The following NHLRC1 variants were observed in gnomAD, a reference collection of about 807,000 sequenced individuals.
The protein encoded by NHLRC1 is NHL repeat containing E3 ubiquitin protein ligase 1, also known as E3 ubiquitin-protein ligase NHLRC1.
A neutral mutation model predicts 14.6 loss-of-function variants in NHLRC1; 10 were observed. The ratio of observed to expected loss-of-function variants is 0.69; its 90% confidence interval spans 0.42 to 1.17. NHLRC1 has a LOEUF of 1.17. Ranked by LOEUF, NHLRC1 falls within the 50% of genes most tolerant of loss-of-function variation. NHLRC1 has a pLI of 0.00. For missense variants in NHLRC1, 526 were observed against 522.9 expected (o/e 1.01, Z -0.06); for synonymous variants, 231 against 224.0 (o/e 1.03, Z -0.28).
chr6:18,121,460 CTG>C lies in NHLRC1; in HGVS notation c.1145_1146del (p.Thr382SerfsTer9). 2 of 1,614,136 alleles carry C rather than the reference CTG, an allele frequency of 1.2e-6. No individual in the cohort carries two copies. ...TKENSLLVLD[T>X]ASHSIKVYKV... ...TTATAGACTTTTATAGAATGAGATG[CTG>C]TGTCCAGCACAAGAAGAGAATTCTC... is the stretch of plus-strand genomic sequence containing the variant. On this transcript the variant is annotated frameshift_variant, in exon 1 of 1. Coordinates refer to ENST00000340650, the MANE Select transcript of NHLRC1 (RefSeq NM_198586.3). LOFTEE classifies it high-confidence loss of function. This position sits in a 1 kb window ranked among gnomAD's most constrained non-coding sequence, Gnocchi z 4.7.
rs752220824 is a variant in NHLRC1 at position 18,121,694 on chromosome 6, C to T, written c.913G>A (p.Gly305Ser). ...CTCAGCCCAAAGGTATCCACTTGGC[C>T]GACAAGCTGCATACTTGAGCTAAAC... is the stretch of plus-strand genomic sequence containing the variant. ...KVFSSSMQLV[G>S]QVDTFGLSLY... The change falls in exon 1 of 1, where the codon GGC becomes AGC. Residue 305 changes from glycine (G) to serine (S), a missense_variant. Physicochemically the swap from Gly to Ser is moderately conservative, Grantham distance 56 (BLOSUM62 0). Coordinates refer to ENST00000340650, the MANE Select transcript of NHLRC1 (RefSeq NM_198586.3). This position sits in a 1 kb window ranked among gnomAD's most constrained non-coding sequence, Gnocchi z 4.7. The T allele has an allele frequency of 4.3e-6, 7 of 1,613,956 alleles. No homozygotes were observed. Among genetic ancestry groups the T allele is most frequent in the Non-Finnish European group, 5.9e-6 (7 of 1,180,028 alleles).
chr6:18,122,366 T>G lies in NHLRC1; in HGVS notation c.241A>C (p.Ser81Arg). 1 of 1,573,732 alleles carries G rather than the reference T, an allele frequency of 6.4e-7. No individual in the cohort carries two copies. The highest frequency in any genetic ancestry group is 1.1e-5 in the South Asian group (1 of 89,178). ...CRRACRGCDT[S>R]DCLPVLHLIE... ...AGGTGCAGCACCGGCAGGCAGTCGC[T>G]GGTGTCGCAGCCCCGGCAAGCTCGC... Residue 81 changes from serine (S) to arginine (R), a missense_variant, in exon 1 of 1, where the codon AGC (serine) becomes CGC (arginine). By Grantham distance (110) the Ser-to-Arg change is moderately radical (BLOSUM62 -1). Transcript: ENST00000340650.
In NHLRC1 at chr6:18,122,500, C is replaced by T. The variant is rs764691077; in HGVS notation, c.107G>A (p.Arg36Gln). The change falls in exon 1 of 1, where the codon CGG becomes CAG. Residue 36 changes from arginine to glutamine, a missense_variant. Transcript: ENST00000340650. ...CAGGTTGCGCGGGCGCCGCTGCTGC[C>T]GGTGGCCAAACTTCTCAAAGCACAC... ...CKVCFEKFGH[R>Q]QQRRPRNLSC... 33 of 1,597,278 alleles carry T rather than the reference C, an allele frequency of 2.1e-5. No homozygotes were observed. Among genetic ancestry groups the T allele is most frequent in the South Asian group, 4.4e-5 (4 of 91,072 alleles).
Position 18,122,329 on chromosome 6 carries a change from A to G in NHLRC1, c.278T>C (p.Leu93Pro). The change falls in exon 1 of 1, where the codon CTG becomes CCG. Residue 93 changes from leucine (L) to proline (P), a missense_variant. By Grantham distance (98) the Leu-to-Pro change is moderately conservative. Coordinates refer to ENST00000340650, the MANE Select transcript of NHLRC1 (RefSeq NM_198586.3). Reference protein sequence around the residue: ...CLPVLHLIELLGSALRQSPAA... With the variant: ...CLPVLHLIELPGSALRQSPAA... ...CGGGGACTGGCGAAGCGCTGAGCCCAGGAGCTCTATGAGGTGCAGCACCGG... is the reference window on the plus strand; with the variant it reads ...CGGGGACTGGCGAAGCGCTGAGCCCGGGAGCTCTATGAGGTGCAGCACCGG... 2 of 1,579,954 alleles carry G rather than the reference A, an allele frequency of 1.3e-6. No individual in the cohort carries two copies. Among genetic ancestry groups the G allele is most frequent in the Non-Finnish European group, 1.7e-6 (2 of 1,170,674 alleles).
In NHLRC1 at chr6:18,121,726, ACCCTGGTGCTGCAAAC is replaced by A. The variant is rs1193841505; in HGVS notation, c.865_880del (p.Val289Ter). 2 of 1,613,940 alleles carry A rather than the reference ACCCTGGTGCTGCAAAC, an allele frequency of 1.2e-6. No individual in the cohort carries two copies. Among genetic ancestry groups the A allele is most frequent in the Non-Finnish European group, 1.7e-6 (2 of 1,180,016 alleles). ...CTGCATACTTGAGCTAAACACTTTC[ACCCTGGTGCTGCAAAC>A]CCCAGTCCCCAGGGCCAGGGGGTGC... On this transcript the variant is annotated frameshift_variant, in exon 1 of 1. Transcript: ENST00000340650. LOFTEE classifies it high-confidence loss of function. The surrounding 1 kb of genome is among the most constrained non-coding windows in gnomAD (Gnocchi z 4.7).
rs752724787 is a variant in NHLRC1 at position 18,121,982 on chromosome 6, G to C, written c.625C>G (p.Leu209Val). The C allele has an allele frequency of 6.2e-7, 1 of 1,614,224 alleles. No individual in the cohort carries two copies. The highest frequency in any genetic ancestry group is 8.5e-7 in the Non-Finnish European group (1 of 1,180,040). Residue 209 changes from leucine to valine, a missense_variant, in exon 1 of 1, where the codon CTT becomes GTT. Physicochemically the swap from Leu to Val is conservative, Grantham distance 32. Coordinates refer to ENST00000340650, the MANE Select transcript of NHLRC1 (RefSeq NM_198586.3). The surrounding 1 kb of genome is among the most constrained non-coding windows in gnomAD (Gnocchi z 4.7). ...AAGGAGAATTGGCCTCCAATGACAA[G>C]CTTGATCTGGCCAAAAAAATCAAAC... The part of the protein sequence containing the change: ...KVFDFFGQIK[L>V]VIGGQFSLPW...
Position 18,122,438 on chromosome 6 carries a change from C to A in NHLRC1, c.169G>T (p.Ala57Ser). Reference protein sequence around the residue: ...GHVVCLACVAALAHPRTLALE... With the variant: ...GHVVCLACVASLAHPRTLALE... ...GCCAGAGTGCGCGGGTGCGCCAGGG[C>A]GGCCACGCAGGCCAGGCAGACCACG... The change falls in exon 1 of 1, where the codon GCC becomes TCC. Residue 57 changes from alanine (A) to serine (S), a missense_variant. By Grantham distance (99) the Ala-to-Ser change is moderately conservative. Coordinates refer to ENST00000340650, the MANE Select transcript of NHLRC1 (RefSeq NM_198586.3). 6.3e-7 allele frequency: 1 copy of A among 1,593,164 alleles called. No individual in the cohort carries two copies. Among genetic ancestry groups the A allele is most frequent in the African/African-American group, 1.3e-5 (1 of 74,934 alleles).
Position 18,121,210 on chromosome 6 carries a change from TA to T in NHLRC1, c.*208del. On this transcript the variant is annotated 3_prime_UTR_variant, in exon 1 of 1. Transcript: ENST00000340650. This position sits in a 1 kb window ranked among gnomAD's most constrained non-coding sequence, Gnocchi z 4.7. ...ACCTCACTGGATAGTACAGATTAAA[TA>T]AGCTAATATTTGCAAATTTCCTTGC... 1.7e-6 allele frequency: 1 copy of T among 595,248 alleles called. No individual in the cohort carries two copies. The highest frequency in any genetic ancestry group is 2.8e-5 in the East Asian group (1 of 35,192). The allele number at this position is 595,248 out of a possible 1,614,324, so 36.9% of individuals were successfully genotyped here.
At position 18,121,828 on chromosome 6, in the gene NHLRC1, T is replaced by C. The variant is rs144043056; in HGVS notation, c.779A>G (p.His260Arg). ...VLRRTERLQA[H>R]LCNPRGVAVS... ...TGCCACCCCTCGGGGATTGCACAGATGAGCTTGCAACCTTTCAGTTCTCCG... is the reference window on the plus strand; with the variant it reads ...TGCCACCCCTCGGGGATTGCACAGACGAGCTTGCAACCTTTCAGTTCTCCG... The change falls in exon 1 of 1, where the codon CAT (histidine) becomes CGT (arginine). Residue 260 changes from histidine to arginine, a missense_variant. His to Arg is a conservative substitution (Grantham distance 29, BLOSUM62 0). Coordinates refer to ENST00000340650, the MANE Select transcript of NHLRC1 (RefSeq NM_198586.3). This position sits in a 1 kb window ranked among gnomAD's most constrained non-coding sequence, Gnocchi z 4.7. 5.0e-6 allele frequency: 8 copies of C among 1,614,020 alleles called. No individual in the cohort carries two copies. Among genetic ancestry groups the C allele is most frequent in the Non-Finnish European group, 6.8e-6 (8 of 1,180,024 alleles).
rs1783765290 is a variant in NHLRC1, at chr6:18,122,665, C to A, written c.-59G>T. 1 of 1,483,740 alleles carries A rather than the reference C, an allele frequency of 6.7e-7. No individual in the cohort carries two copies. Among genetic ancestry groups the A allele is most frequent in the South Asian group, 1.2e-5 (1 of 85,850 alleles). 91.9% of individuals were successfully genotyped at this position (1,483,740 alleles called of 1,614,324 possible). ...GCCGTGCCCCAGCGACGCTCTCGGT[C>A]ACGGTCACAGTCATGGTCACGGGGT... is the stretch of plus-strand genomic sequence containing the variant. On this transcript the variant is annotated 5_prime_UTR_variant, in exon 1 of 1. Coordinates refer to ENST00000340650, the MANE Select transcript of NHLRC1 (RefSeq NM_198586.3).
chr6:18,122,065 G>T lies in NHLRC1; in HGVS notation c.542C>A (p.Thr181Asn). 1 of 1,614,202 alleles carries T rather than the reference G, an allele frequency of 6.2e-7. No individual in the cohort carries two copies. The highest frequency in any genetic ancestry group is 8.5e-7 in the Non-Finnish European group (1 of 1,180,042). ...AACCACATGGCAGTCGTTGGTGATG[G>T]TGACATCCACAGGGTACCTAATGTC... ...AQDIRYPVDV[T>N]ITNDCHVVVT... Residue 181 changes from threonine (T) to asparagine (N), a missense_variant, in exon 1 of 1, where the codon ACC becomes AAC. Coordinates refer to ENST00000340650, the MANE Select transcript of NHLRC1 (RefSeq NM_198586.3).
rs747084695 is a variant in NHLRC1, at chr6:18,121,989, C to G, written c.618G>C (p.Gln206His). 5.0e-6 allele frequency: 8 copies of G among 1,614,112 alleles called. No individual in the cohort carries two copies. In the Admixed American group the frequency reaches 6.7e-5, roughly 13 times the overall value. ...ATTGGCCTCCAATGACAAGCTTGATCTGGCCAAAAAAATCAAACACTTTGA... is the reference window on the plus strand; with the variant it reads ...ATTGGCCTCCAATGACAAGCTTGATGTGGCCAAAAAAATCAAACACTTTGA... ...RSIKVFDFFG[Q>H]IKLVIGGQFS... The change falls in exon 1 of 1, where the codon CAG becomes CAC. Residue 206 changes from glutamine (Q) to histidine (H), a missense_variant. Gln to His is a conservative substitution (Grantham distance 24). Coordinates refer to ENST00000340650, the MANE Select transcript of NHLRC1 (RefSeq NM_198586.3). This position sits in a 1 kb window ranked among gnomAD's most constrained non-coding sequence, Gnocchi z 4.7.
Position 18,122,170 on chromosome 6 carries a change from T to A in NHLRC1, c.437A>T (p.Asp146Val). Reference protein sequence around the residue: ...PKTGRVVVVHDGRRRVKIFDS... With the variant: ...PKTGRVVVVHVGRRRVKIFDS... ...AAAAATCTTGACACGCCTCCTGCCG[T>A]CGTGCACCACCACGACACGCCCCGT... Residue 146 changes from aspartate to valine, a missense_variant, in exon 1 of 1, where the codon GAC becomes GTC. Coordinates refer to ENST00000340650, the MANE Select transcript of NHLRC1 (RefSeq NM_198586.3). The A allele has an allele frequency of 1.2e-6, 2 of 1,613,536 alleles. No individual in the cohort carries two copies. Among genetic ancestry groups the A allele is most frequent in the Non-Finnish European group, 1.7e-6 (2 of 1,180,034 alleles).
chr6:18,121,880 C>T lies in NHLRC1; in HGVS notation c.727G>A (p.Asp243Asn). ...AGGACCCCTTCCGCGAAGTCGACGT[C>T]CAGGAGGTGCAGGGACCCTGCCTCC... ...DAEAGSLHLL[D>N]VDFAEGVLRR... The change falls in exon 1 of 1, where the codon GAC (aspartate) becomes AAC (asparagine). Residue 243 changes from aspartate to asparagine, a missense_variant. Transcript: ENST00000340650. This position sits in a 1 kb window ranked among gnomAD's most constrained non-coding sequence, Gnocchi z 4.7. 6.2e-7 allele frequency: 1 copy of T among 1,614,156 alleles called. No individual in the cohort carries two copies. Among genetic ancestry groups the T allele is most frequent in the South Asian group, 1.1e-5 (1 of 91,078 alleles).
At position 18,121,697 on chromosome 6, in the gene NHLRC1, C is replaced by T; in HGVS notation, c.910G>A (p.Val304Ile). ...AGCCCAAAGGTATCCACTTGGCCGA[C>T]AAGCTGCATACTTGAGCTAAACACT... ...VKVFSSSMQL[V>I]GQVDTFGLSL... Residue 304 changes from valine (V) to isoleucine (I), a missense_variant, in exon 1 of 1, where the codon GTC becomes ATC. By Grantham distance (29) the Val-to-Ile change is conservative (BLOSUM62 3). Transcript: ENST00000340650. The surrounding 1 kb of genome is among the most constrained non-coding windows in gnomAD (Gnocchi z 4.7). 1 of 1,614,118 alleles carries T rather than the reference C, an allele frequency of 6.2e-7. No individual in the cohort carries two copies. Among genetic ancestry groups the T allele is most frequent in the Non-Finnish European group, 8.5e-7 (1 of 1,180,038 alleles).
rs756683363 is a variant in NHLRC1 at position 18,121,685 on chromosome 6, C to A, written c.922G>T (p.Asp308Tyr). The A allele has an allele frequency of 6.2e-7, 1 of 1,614,084 alleles. No homozygotes were observed. The highest frequency in any genetic ancestry group is 8.5e-7 in the Non-Finnish European group (1 of 1,180,024). Residue 308 changes from aspartate to tyrosine, a missense_variant, in exon 1 of 1, where the codon GAT becomes TAT. Transcript: ENST00000340650. This position sits in a 1 kb window ranked among gnomAD's most constrained non-coding sequence, Gnocchi z 4.7. ...AAGTAGAGGCTCAGCCCAAAGGTATCCACTTGGCCGACAAGCTGCATACTT... is the reference window on the plus strand; with the variant it reads ...AAGTAGAGGCTCAGCCCAAAGGTATACACTTGGCCGACAAGCTGCATACTT... The part of the protein sequence containing the change: ...SSSMQLVGQV[D>Y]TFGLSLYFPS...
At position 18,121,670 on chromosome 6, in the gene NHLRC1, T is replaced by G; in HGVS notation, c.937A>C (p.Ser313Arg). ...LVGQVDTFGL[S>R]LYFPSKITAS... ...GTTATTTTGGAGGGAAAGTAGAGGCTCAGCCCAAAGGTATCCACTTGGCCG... is the reference window on the plus strand; with the variant it reads ...GTTATTTTGGAGGGAAAGTAGAGGCGCAGCCCAAAGGTATCCACTTGGCCG... Residue 313 changes from serine (S) to arginine (R), a missense_variant, in exon 1 of 1, where the codon AGC becomes CGC. Coordinates refer to ENST00000340650, the MANE Select transcript of NHLRC1 (RefSeq NM_198586.3). The surrounding 1 kb of genome is among the most constrained non-coding windows in gnomAD (Gnocchi z 4.7). 1.9e-6 allele frequency: 3 copies of G among 1,614,144 alleles called. No individual in the cohort carries two copies. Among genetic ancestry groups the G allele is most frequent in the Middle Eastern group, 1.6e-4 (1 of 6,062 alleles).
Position 18,121,514 on chromosome 6 carries a change from G to A in NHLRC1, c.1093C>T (p.His365Tyr). The change falls in exon 1 of 1, where the codon CAT becomes TAT. Residue 365 changes from histidine to tyrosine, a missense_variant. Physicochemically the swap from His to Tyr is moderately conservative, Grantham distance 83 (BLOSUM62 2). Coordinates refer to ENST00000340650, the MANE Select transcript of NHLRC1 (RefSeq NM_198586.3). The surrounding 1 kb of genome is among the most constrained non-coding windows in gnomAD (Gnocchi z 4.7). ...PKPMVTHGLSHPVALTFTKEN... is the reference protein window; with the variant it reads ...PKPMVTHGLSYPVALTFTKEN... The stretch of plus-strand genomic sequence containing the variant: ...TTGGTGAAGGTAAGAGCCACAGGAT[G>A]CGAAAGACCATGAGTGACCATGGGC... 1 of 1,614,190 alleles carries A rather than the reference G, an allele frequency of 6.2e-7. No individual in the cohort carries two copies.
Position 18,121,422 on chromosome 6 carries a change from C to G in NHLRC1, c.1185G>C (p.Gly395=). The G allele has an allele frequency of 6.2e-7, 1 of 1,612,308 alleles. No individual in the cohort carries two copies. Among genetic ancestry groups the G allele is most frequent in the South Asian group, 1.1e-5 (1 of 91,016 alleles). Residue 395 remains glycine (G), a synonymous_variant, in exon 1 of 1, where the codon GGG becomes GGC. Coordinates refer to ENST00000340650, the MANE Select transcript of NHLRC1 (RefSeq NM_198586.3). The surrounding 1 kb of genome is among the most constrained non-coding windows in gnomAD (Gnocchi z 4.7). ...HSIKVYKVDW[G] ...TCCAGGGACCCACCCCAGCCCATCA[C>G]CCCCAGTCAACTTTATAGACTTTTA...
Sources: allele counts gnomAD v4.1 joint callset, GRCh38; gene constraint gnomAD v4.1.1; non-coding constraint Gnocchi (gnomAD v3.1); transcripts MANE v1.5; gene names NCBI Gene and HGNC (gene_info 2026-07-23, HGNC 2026-07-21).